ABCA13: variants seen among roughly 807,000 people sequenced by gnomAD.
ABCA13 encodes ATP binding cassette subfamily A member 13.
A neutral mutation model predicts 478.7 loss-of-function variants in ABCA13; 476 were observed. The ratio of observed to expected loss-of-function variants is 0.99; its 90% CI spans 0.92 to 1.07. The LOEUF (loss-of-function observed/expected upper bound fraction) is 1.07. Among genes scored for constraint, ABCA13 ranks in the 50% least tolerant of loss-of-function variants. The pLI is 0.00. For missense variants in ABCA13, 6,060 were observed against 5,910.6 expected (o/e 1.03, Z -0.83); for synonymous variants, 2,252 against 2,158.9 (o/e 1.04, Z -1.20).
intron 42 of ABCA13, among the ~76,000 whole-genome samples, chr7:48,428,984 C>T (rs1248339036): frequency 1.3e-5 from 2 of 152,158 alleles, no homozygotes; most frequent in Non-Finnish European, 2.9e-5. Context: ...CCCTAATGTA[C>T]TTTCAATCTC....
chr7:48,304,027 C>T (rs771371800), intron 23 of ABCA13, among the ~76,000 whole-genome samples: 8 of 152,102 alleles, frequency 5.3e-5, no homozygotes, highest in Non-Finnish European at 1.0e-4. Flanking sequence ...TGACATGGCT[C>T]ATTGATCATG....
intron 1 of ABCA13, among the ~76,000 whole-genome samples, chr7:48,176,980 A>C (rs1429160113): frequency 1.3e-5 from 2 of 152,106 alleles, no homozygotes; most frequent in Non-Finnish European, 2.9e-5. Context: ...TTTGTCTGTT[A>C]CTGTTGTTTA....
intron 41 of ABCA13, among the ~76,000 whole-genome samples, chr7:48,425,745 ATTTATTTATTTT>A (rs1212461488): frequency 1.3e-5 from 2 of 148,152 alleles, no homozygotes; most frequent in Admixed American, 1.4e-4. Context: ...TTATTTATTT[ATTTATTTATTTT>A]TTCGAGATGG....
intron 3 of ABCA13, among the ~76,000 whole-genome samples, chr7:48,211,970 G>A (rs896835006): frequency 2.6e-5 from 4 of 151,914 alleles, no homozygotes; most frequent in Non-Finnish European, 5.9e-5. Context: ...TATTGCATTG[G>A]TACTGCAACT....
At chr7:48,245,413 A>G in intron 11 of ABCA13, 99 bp from the exon 12 acceptor site, 2 of 905,170 alleles carry the variant, frequency 2.2e-6, no homozygotes, top group Non-Finnish European at 3.3e-6. Context: ...TTTTTAAAAA[A>G]TCCATGTTTT....
At chr7:48,308,948 T>C (rs1801325468) in intron 23 of ABCA13, among the ~76,000 whole-genome samples, 1 of 144,686 alleles carries the variant, frequency 6.9e-6, no homozygotes. Context: ...ATGCTGTAAG[T>C]GCACACTATG....
At chr7:48,330,485 GTCCATCCATCCATCCA>G (rs374882823) in intron 27 of ABCA13, among the ~76,000 whole-genome samples, 1 of 134,856 alleles carries the variant, frequency 7.4e-6, no homozygotes, top group Admixed American at 7.3e-5. Flanking sequence ...CCATCCATCC[GTCCATCCATCCATCCA>G]TCCATCCATC....
chr7:48,352,882 A>G (rs1470503405), intron 31 of ABCA13, among the ~76,000 whole-genome samples: 2 of 151,958 alleles, frequency 1.3e-5, no homozygotes, highest in South Asian at 4.1e-4. Context: ...TGTATACTGG[A>G]CAGGGTGGTG....
chr7:48,232,097 C>A (rs1789190111), intron 7 of ABCA13, among the ~76,000 whole-genome samples: 1 of 133,904 alleles, frequency 7.5e-6, no homozygotes, highest in Non-Finnish European at 1.6e-5. Context: ...TTGCTTCTTT[C>A]TTCTTGTTGC....
chr7:48,297,011 G>T (rs954420318), intron 21 of ABCA13, among the ~76,000 whole-genome samples: 1 of 152,148 alleles, frequency 6.6e-6, no homozygotes, highest in Non-Finnish European at 1.5e-5. Context: ...TCGGTTGGCA[G>T]GAGCTCTGAG....
chr7:48,209,712 C>T (rs1785377109), intron 3 of ABCA13, among the ~76,000 whole-genome samples: 1 of 152,096 alleles, frequency 6.6e-6, no homozygotes, highest in Non-Finnish European at 1.5e-5. Context: ...AATAAAATGT[C>T]TATGCTTCCA....
rs1790450880 is a variant in ABCA13 at position 48,239,310 on chromosome 7, G to C, written c.967G>C (p.Glu323Gln). ...VLSSTSEDEA[E>Q]KWGHVGGCHP... ...GTCTAGCACATCAGAGGATGAAGCT[G>C]AGAAATGGGGCCACGTTGGAGGCTG... The change falls in exon 9 of 62, where the codon GAG (glutamate) becomes CAG (glutamine). Residue 323 changes from glutamate to glutamine, a missense_variant. By Grantham distance (29) the Glu-to-Gln change is conservative. Coordinates refer to ENST00000435803, the MANE Select transcript of ABCA13 (RefSeq NM_152701.5). The C allele has an allele frequency of 6.2e-7, 1 of 1,613,882 alleles. No homozygotes were observed. Among genetic ancestry groups the C allele is most frequent in the Non-Finnish European group, 8.5e-7 (1 of 1,179,882 alleles).
intron 42 of ABCA13, among the ~76,000 whole-genome samples, chr7:48,453,588 A>T (rs1825300811): frequency 6.6e-6 from 1 of 152,122 alleles, no homozygotes; most frequent in Non-Finnish European, 1.5e-5. Context: ...TGCTATTCAC[A>T]GAGAATGCCA....
chr7:48,272,113 C>CA lies in ABCA13; in HGVS notation c.2453dup (p.Asn818LysfsTer12). The stretch of plus-strand genomic sequence containing the variant: ...GGAAGTCACTGGATAAGGAAGGAAC[C>CA]AAAAAATCTTTTGAGATTCATAGAA... On this transcript the variant is annotated frameshift_variant, in exon 17 of 62. Transcript: ENST00000435803. LOFTEE classifies it high-confidence loss of function. 6.2e-7 allele frequency: 1 copy of CA among 1,613,378 alleles called. No individual in the cohort carries two copies. Among genetic ancestry groups the CA allele is most frequent in the Non-Finnish European group, 8.5e-7 (1 of 1,179,656 alleles).
At chr7:48,611,021 T>C (rs1336808588) in intron 58 of ABCA13, among the ~76,000 whole-genome samples, 1 of 152,246 alleles carries the variant, frequency 6.6e-6, no homozygotes, top group African/African-American at 2.4e-5. Context: ...TCTTTACTTA[T>C]GCAAATTTCT....
At chr7:48,369,929 G>A (rs1194709577) in intron 32 of ABCA13, among the ~76,000 whole-genome samples, 1 of 151,842 alleles carries the variant, frequency 6.6e-6, no homozygotes, top group African/African-American at 2.4e-5. Context: ...TCTGTGAAGA[G>A]TAATGGTGGT....
chr7:48,367,950 G>A (rs1289993436), intron 32 of ABCA13, 42 bp downstream of exon 32: 9 of 1,477,956 alleles, frequency 6.1e-6, no homozygotes, highest in Non-Finnish European at 8.3e-6. Flanking sequence ...AAGATAGGGA[G>A]GCTGGGGACT....
At chr7:48,613,622 C>T (rs1334025783) in intron 58 of ABCA13, among the ~76,000 whole-genome samples, 1 of 151,158 alleles carries the variant, frequency 6.6e-6, no homozygotes, top group Non-Finnish European at 1.5e-5. Flanking sequence ...ATAGTAACAT[C>T]TTGTTCCTTG....
chr7:48,347,482 C>T lies in ABCA13; in HGVS notation c.10205-3161C>T, dbSNP rs76022938. Among the ~76,000 whole-genome samples, 494 of 152,292 alleles carry T rather than the reference C, an allele frequency of 3.2e-3. 6 individuals carry two copies. The highest frequency in any genetic ancestry group is 0.011 in the African/African-American group (476 of 41,566). On this transcript the variant is annotated intron_variant, in intron 29 of 61. Coordinates refer to ENST00000435803, the MANE Select transcript of ABCA13 (RefSeq NM_152701.5). ...GTATGCTGGAGTCACCAGCCAAGGG[C>T]TGGTTCAGAGATTTGGTGCCATCTT...
Sources: allele counts gnomAD v4.1 joint callset (sites outside exome capture counted in the v4.1 genomes callset), GRCh38; gene constraint gnomAD v4.1.1; transcripts MANE v1.5; gene names NCBI Gene and HGNC (gene_info 2026-07-23, HGNC 2026-07-21).